Variants in SGK1 observed in about 807,000 individuals in gnomAD.
SGK1 encodes serum/glucocorticoid regulated kinase 1.
A neutral mutation model predicts 64.2 loss-of-function variants in SGK1; 26 were observed. The observed-to-expected ratio is 0.40, with a 90% CI of 0.30 to 0.56. SGK1 has a LOEUF of 0.56. SGK1 is among the 20% of genes least tolerant of loss of function. The pLI is 0.38. For synonymous variants in SGK1, 265 were observed against 239.7 expected (o/e 1.11, Z -0.98); for missense variants, 519 against 645.6 (o/e 0.80, Z 2.12).
intron 3 of SGK1, among the ~76,000 whole-genome samples, chr6:134,184,710 G>T (rs1429093632): frequency 2.0e-5 from 3 of 152,058 alleles, no homozygotes; most frequent in Non-Finnish European, 2.9e-5. Context: ...TTAAGACAGG[G>T]TCTTGTTCTG....
intron 2 of SGK1, among the ~76,000 whole-genome samples, chr6:134,213,522 AAAATAAAT>A (rs562060619): frequency 1.4e-5 from 2 of 147,418 alleles, no homozygotes; most frequent in Non-Finnish European, 3.0e-5. Flanking sequence ...ACTCTGTCTC[AAAATAAAT>A]AAATAAATAA....
chr6:134,185,025 C>A (rs1480603909), intron 3 of SGK1, among the ~76,000 whole-genome samples: 9 of 152,118 alleles, frequency 5.9e-5, no homozygotes, highest in Admixed American at 5.9e-4. Flanking sequence ...ATCCCTGGTG[C>A]CCAGGAGAGG....
intron 3 of SGK1, among the ~76,000 whole-genome samples, chr6:134,197,745 G>A (rs1431503503): frequency 6.6e-6 from 1 of 151,882 alleles, no homozygotes; most frequent in Non-Finnish European, 1.5e-5. Flanking sequence ...AGAATCACTT[G>A]AACCCGGGAG....
intron 1 of SGK1, among the ~76,000 whole-genome samples, chr6:134,296,011 G>A (rs1259815802): frequency 6.6e-6 from 1 of 152,232 alleles, no homozygotes; most frequent in Non-Finnish European, 1.5e-5. Flanking sequence ...AGTTCCTGCT[G>A]TAACAGATGG....
At chr6:134,225,352 G>GAAA (rs1250043063) in intron 2 of SGK1, among the ~76,000 whole-genome samples, 2 of 144,326 alleles carry the variant, frequency 1.4e-5, no homozygotes, top group African/African-American at 5.2e-5. Context: ...CTCCATCTCG[G>GAAA]AAAAAAAAAA....
At chr6:134,246,851 C>T (rs114414980) in intron 2 of SGK1, among the ~76,000 whole-genome samples, 7,624 of 152,194 alleles carry the variant, frequency 0.05, 224 homozygotes, top group Non-Finnish European at 0.067. Context: ...CCTCCAACTC[C>T]CTAAGTGCTG....
chr6:134,181,757 AC>A (rs1203123592), intron 3 of SGK1, among the ~76,000 whole-genome samples: 1 of 152,224 alleles, frequency 6.6e-6, no homozygotes, highest in African/African-American at 2.4e-5. Context: ...GCCAGTTGTA[AC>A]AACAAAAGAT....
intron 1 of SGK1, among the ~76,000 whole-genome samples, chr6:134,294,195 T>G (rs1385302350): frequency 6.6e-6 from 1 of 152,204 alleles, no homozygotes; most frequent in Non-Finnish European, 1.5e-5. Flanking sequence ...ACGTTTCCCA[T>G]CTAATATACT....
At position 134,317,301 on chromosome 6, in the gene SGK1, C is replaced by T. The variant is rs144766025; in HGVS notation, c.69+91G>A. On this transcript the variant is annotated intron_variant, in intron 1 of 13. Coordinates refer to ENST00000367858, the MANE Select transcript of SGK1 (RefSeq NM_001143676.3). ...AGCACGGCTTACATTAAGGGTTTAG[C>T]AACAAAACCTCAGGCTTACTTCAGG... 9.1e-4 allele frequency: 772 copies of T among 852,444 alleles called. 6 individuals carry two copies. In the African/African-American group the frequency reaches 0.011, roughly 12 times the overall value. The allele number at this position is 852,444 out of a possible 1,614,324, so 52.8% of individuals were successfully genotyped here. A position where few individuals can be genotyped will look rare whatever the true frequency, so the allele number is the denominator to read the frequency against.
At chr6:134,214,445 G>T (rs991766555) in intron 2 of SGK1, among the ~76,000 whole-genome samples, 3 of 152,114 alleles carry the variant, frequency 2.0e-5, no homozygotes, top group African/African-American at 7.2e-5. Flanking sequence ...ACAAAAATTA[G>T]CTGGGTGTGG....
chr6:134,273,950 C>A (rs999341489), intron 1 of SGK1, among the ~76,000 whole-genome samples: 6 of 152,090 alleles, frequency 3.9e-5, no homozygotes, highest in African/African-American at 9.7e-5. Flanking sequence ...TGAGCCGCTG[C>A]ACCCAGCTCA....
chr6:134,227,188 A>G (rs1259832947), intron 2 of SGK1, among the ~76,000 whole-genome samples: 1 of 151,908 alleles, frequency 6.6e-6, no homozygotes, highest in African/African-American at 2.4e-5. Flanking sequence ...AGGCTGGAGT[A>G]CAGTGGCACA....
intron 3 of SGK1, chr6:134,175,771 C>T: frequency 7.5e-7 from 1 of 1,333,142 alleles, no homozygotes; most frequent in Non-Finnish European, 9.6e-7. Flanking sequence ...GCCCCGAGTC[C>T]CAAAACAAAC....
chr6:134,217,595 A>G (rs1582718775), intron 2 of SGK1, among the ~76,000 whole-genome samples: 1 of 152,286 alleles, frequency 6.6e-6, no homozygotes, highest in East Asian at 1.9e-4. Context: ...TACAGCAAAC[A>G]TGCCCATAGT....
At chr6:134,247,548 CTA>C (rs897120564) in intron 2 of SGK1, among the ~76,000 whole-genome samples, 2 of 152,178 alleles carry the variant, frequency 1.3e-5, no homozygotes, top group Non-Finnish European at 2.9e-5. Flanking sequence ...GAAATAAACC[CTA>C]TGAGTTTGAA....
intron 3 of SGK1, among the ~76,000 whole-genome samples, chr6:134,192,119 G>A (rs1582700707): frequency 6.6e-6 from 1 of 151,094 alleles, no homozygotes; most frequent in East Asian, 2.0e-4. Context: ...GTGAGCCACC[G>A]CGCCCGGCCC....
rs147547608 is a variant in SGK1 at position 134,288,777 on chromosome 6, A to G, written c.70-26629T>C. On this transcript the variant is annotated intron_variant, in intron 1 of 13. Transcript: ENST00000367858. ...ATTTTCTTTGTGATACGTTTTCTAT[A>G]CTCTTAGTAATTTTCCCTGGTCTTG... Among the ~76,000 whole-genome samples, 385 of 152,228 alleles carry G rather than the reference A, an allele frequency of 2.5e-3. 3 individuals carry two copies. Among genetic ancestry groups the G allele is most frequent in the African/African-American group, 8.6e-3 (358 of 41,530 alleles).
At chr6:134,278,767 G>T (rs1211275885) in intron 1 of SGK1, among the ~76,000 whole-genome samples, 1 of 151,900 alleles carries the variant, frequency 6.6e-6, no homozygotes, top group Non-Finnish European at 1.5e-5. Flanking sequence ...GAAGATAAAA[G>T]AATGTATTGA....
chr6:134,213,460 G>T (rs1775924259), intron 2 of SGK1, among the ~76,000 whole-genome samples: 1 of 151,924 alleles, frequency 6.6e-6, no homozygotes, highest in Non-Finnish European at 1.5e-5. Context: ...GACGGAGGTT[G>T]CAATGAGCTG....
Sources: gnomAD v4.1 joint callset for allele counts (sites outside exome capture counted in the v4.1 genomes callset) on GRCh38, gnomAD v4.1.1 for gene constraint, MANE v1.5 for transcripts, NCBI Gene and HGNC (gene_info 2026-07-23, HGNC 2026-07-21) for gene names.